The following IL16 variants were observed in gnomAD, a reference collection of about 807,000 sequenced individuals.
The protein encoded by IL16 is interleukin 16, also known as pro-interleukin-16.
In IL16, 67 loss-of-function variants were observed where a neutral mutation model predicts 110.1. The observed-to-expected ratio is 0.61, with a 90% confidence interval of 0.50 to 0.75. The LOEUF (loss-of-function observed/expected upper bound fraction) is 0.75. IL16 is among the 30% of genes least tolerant of loss of function. The pLI, the probability that IL16 is intolerant of heterozygous loss-of-function variation, is 0.00. For missense variants in IL16, 1,545 were observed against 1,655.0 expected, an observed-to-expected ratio of 0.93 and a Z score of 1.15; for synonymous variants, 689 against 662.9, an observed-to-expected ratio of 1.04 and a Z score of -0.61.
rs56259509 is a variant in IL16 at position 81,267,479 on chromosome 15, G to GACACACACACAC, written c.564+1694_564+1705dup. On this transcript the variant is annotated intron_variant, in intron 4 of 18. Coordinates refer to ENST00000683961, the MANE Select transcript of IL16 (RefSeq NM_172217.5). Reference sequence around the variant, plus strand: ...ACACATACGCAGACACACATACACAGACACACACACACACACACACACACA... The same window carrying GACACACACACAC: ...ACACATACGCAGACACACATACACAGACACACACACACACACACACACACACACACACACACA... 9.4e-3 allele frequency among the ~76,000 whole-genome samples: 1,017 copies of GACACACACACAC among 107,698 alleles called. 15 individuals carry two copies. The highest frequency in any genetic ancestry group is 0.051 in the African/African-American group (981 of 19,168). The allele number at this position is 107,698 out of a possible 152,430, so 70.7% of individuals were successfully genotyped here. A position where few individuals can be genotyped will look rare whatever the true frequency, so the allele number is the denominator to read the frequency against.
At chr15:81,235,752 T>C (rs977145819) in intron 2 of IL16, among the ~76,000 whole-genome samples, 1 of 152,150 alleles carries the variant, frequency 6.6e-6, no homozygotes, top group Non-Finnish European at 1.5e-5. Flanking sequence ...ATAATGGCTC[T>C]ATAAATGTTT....
At position 81,275,003 on chromosome 15, in the gene IL16, GGGA is replaced by G. The variant is rs538312672; in HGVS notation, c.790+1804_790+1806del. Among the ~76,000 whole-genome samples, 299 of 152,212 alleles carry G rather than the reference GGGA, an allele frequency of 2.0e-3. 1 individual carries two copies. The highest frequency in any genetic ancestry group is 6.8e-3 in the Middle Eastern group (2 of 294). On this transcript the variant is annotated intron_variant, in intron 6 of 18. Transcript: ENST00000683961. ...AGGACTGCACAGAGGCGGTAACCCT[GGGA>G]GGAGAAGGGAGCAGATGAGAGAAGT...
At chr15:81,269,732 A>T in intron 5 of IL16, 84 bp downstream of exon 5, 1 of 966,922 alleles carries the variant, frequency 1.0e-6, no homozygotes, top group East Asian at 2.4e-5. Flanking sequence ...AAGGATGGGA[A>T]TAGGACTACT....
intron 1 of IL16, among the ~76,000 whole-genome samples, chr15:81,189,568 A>C (rs1895467923): frequency 6.6e-6 from 1 of 152,212 alleles, no homozygotes; most frequent in Admixed American, 6.5e-5. Context: ...TACAGGTCTG[A>C]TCCACTACGA....
chr15:81,247,076 CTTTTTT>C (rs57484982), intron 2 of IL16, among the ~76,000 whole-genome samples: 939 of 92,628 alleles, frequency 0.01, 3 homozygotes, highest in Admixed American at 0.016. Context: ...TTTTCTTTTC[CTTTTTT>C]TTTTTTTTTT....
chr15:81,217,390 C>A (rs1343933374), intron 1 of IL16, among the ~76,000 whole-genome samples: 2 of 151,870 alleles, frequency 1.3e-5, no homozygotes, highest in African/African-American at 4.8e-5. Flanking sequence ...TAAAATAGAC[C>A]AACCAAGGAA....
intron 2 of IL16, among the ~76,000 whole-genome samples, chr15:81,239,222 C>G (rs1897270767): frequency 6.6e-6 from 1 of 152,126 alleles, no homozygotes; most frequent in South Asian, 2.1e-4. Flanking sequence ...TGTGAGAAGA[C>G]TCTTCATCTG....
At chr15:81,296,706 A>G (rs189249343) in intron 12 of IL16, among the ~76,000 whole-genome samples, 2 of 152,312 alleles carry the variant, frequency 1.3e-5, no homozygotes, top group East Asian at 3.9e-4. Flanking sequence ...TGACCTGGAT[A>G]CCAGGTTGCT....
intron 1 of IL16, among the ~76,000 whole-genome samples, chr15:81,214,329 C>T (rs965055315): frequency 6.6e-6 from 1 of 152,192 alleles, no homozygotes; most frequent in Non-Finnish European, 1.5e-5. Context: ...TAAACAAATT[C>T]ATTAAGCATT....
intron 3 of IL16, among the ~76,000 whole-genome samples, chr15:81,264,889 T>C (rs925911887): frequency 1.3e-5 from 2 of 152,232 alleles, no homozygotes; most frequent in Non-Finnish European, 2.9e-5. Flanking sequence ...TTATTAAAAT[T>C]AATCTCTCCT....
Position 81,303,015 on chromosome 15 carries a change from ATGTGTGTGTGTGTGTG to A in IL16, c.3319-520_3319-505del, listed in dbSNP as rs34522610. ...GTCTAGGCTAGGAAGTACCGTAGTA[ATGTGTGTGTGTGTGTG>A]TGTGTGTGTGTGTCACACTTGCACA... On this transcript the variant is annotated intron_variant, in intron 15 of 18. Transcript: ENST00000683961. The surrounding 1 kb of genome is among the most constrained non-coding windows in gnomAD (Gnocchi z 4.1). Among the ~76,000 whole-genome samples the A allele has an allele frequency of 4.4e-4, 66 of 150,146 alleles. 1 individual carries two copies. The highest frequency in any genetic ancestry group is 1.5e-3 in the African/African-American group (60 of 40,682).
rs527765062 is a variant in IL16, at chr15:81,308,788, G to C, written c.3989G>C (p.Gly1330Ala). The C allele has an allele frequency of 1.2e-6, 2 of 1,612,678 alleles. No homozygotes were observed. The highest frequency in any genetic ancestry group is 1.1e-5 in the South Asian group (1 of 90,928). ...SLQSKETTAA[G>A]DS ...CAGTCCAAGGAAACCACAGCTGCTG[G>C]AGACTCCTAGGCAGGACATGCTGAA... The change falls in exon 19 of 19, where the codon GGA (glycine) becomes GCA (alanine). Residue 1330 changes from glycine (G) to alanine (A), a missense_variant. By Grantham distance (60) the Gly-to-Ala change is moderately conservative. Coordinates refer to ENST00000683961, the MANE Select transcript of IL16 (RefSeq NM_172217.5).
intron 1 of IL16, among the ~76,000 whole-genome samples, chr15:81,191,467 T>C (rs1895496137): frequency 1.3e-5 from 2 of 152,188 alleles, no homozygotes; most frequent in African/African-American, 2.4e-5. Flanking sequence ...ATTCACTCAG[T>C]AAATGTTTAT....
At chr15:81,246,907 T>C (rs1251273493) in intron 2 of IL16, among the ~76,000 whole-genome samples, 10 of 152,096 alleles carry the variant, frequency 6.6e-5, no homozygotes, top group Admixed American at 6.5e-4. Context: ...CTTGAGTTGA[T>C]TTTGATACAG....
At chr15:81,275,139 G>A (rs1044302578) in intron 6 of IL16, among the ~76,000 whole-genome samples, 1 of 151,508 alleles carries the variant, frequency 6.6e-6, no homozygotes, top group African/African-American at 2.4e-5. Flanking sequence ...AGAGTAAGAG[G>A]CACTGGAGGA....
Position 81,285,695 on chromosome 15 carries a change from C to G in IL16, c.1200-3C>G. ...TGATGGCTTCTTATTGATGCTTGCA[C>G]AGGTGTGGGGACGAGATTGTGGAAA... is the stretch of plus-strand genomic sequence containing the variant. On this transcript the variant is annotated splice_region_variant and splice_polypyrimidine_tract_variant and intron_variant, in intron 9 of 18. Coordinates refer to ENST00000683961, the MANE Select transcript of IL16 (RefSeq NM_172217.5). 3.1e-6 allele frequency: 5 copies of G among 1,613,778 alleles called. No homozygotes were observed. The highest frequency in any genetic ancestry group is 3.4e-6 in the Non-Finnish European group (4 of 1,179,832).
chr15:81,296,971 C>CCCTGTG lies in IL16; in HGVS notation c.1946_1947insCCTGTG (p.Thr649_Ala650insLeuTer). Reference sequence around the variant, plus strand: ...CCACTGCTGCTACCACAGGAAGACACAGCAGGGAGAAGCCCTAGTGCCTCT... The same window carrying CCCTGTG: ...CCACTGCTGCTACCACAGGAAGACACCCTGTGAGCAGGGAGAAGCCCTAGTGCCTCT... On this transcript the variant is annotated stop_gained and inframe_insertion, in exon 13 of 19. Coordinates refer to ENST00000683961, the MANE Select transcript of IL16 (RefSeq NM_172217.5). LOFTEE classifies it high-confidence loss of function. 1 of 1,613,698 alleles carries CCCTGTG rather than the reference C, an allele frequency of 6.2e-7. No individual in the cohort carries two copies. Among genetic ancestry groups the CCCTGTG allele is most frequent in the African/African-American group, 1.3e-5 (1 of 75,024 alleles).
chr15:81,306,889 A>T (rs1186359529), intron 18 of IL16: 1 of 363,526 alleles, frequency 2.8e-6, no homozygotes, highest in Non-Finnish European at 5.3e-6. Context: ...ACTCAGATCG[A>T]TACTATTTTA....
rs1900385965 is a variant in IL16 at position 81,303,278 on chromosome 15, C to T, written c.3319-271C>T. On this transcript the variant is annotated intron_variant, in intron 15 of 18. Coordinates refer to ENST00000683961, the MANE Select transcript of IL16 (RefSeq NM_172217.5). The surrounding 1 kb of genome is among the most constrained non-coding windows in gnomAD (Gnocchi z 4.1). ...CTGATTTCTGGCTGACTTCATGGCACTCCCCCTGCCCGGCTGTGGACAGGG... is the reference window on the plus strand; with the variant it reads ...CTGATTTCTGGCTGACTTCATGGCATTCCCCCTGCCCGGCTGTGGACAGGG... The T allele has an allele frequency of 5.4e-6, 2 of 367,662 alleles. No homozygotes were observed. Among genetic ancestry groups the T allele is most frequent in the South Asian group, 6.8e-5 (2 of 29,542 alleles). 22.8% of individuals were successfully genotyped at this position (367,662 alleles called of 1,614,324 possible).
Sources: gnomAD v4.1 joint callset for allele counts (sites outside exome capture counted in the v4.1 genomes callset) on GRCh38, gnomAD v4.1.1 for gene constraint, Gnocchi (gnomAD v3.1) non-coding constraint, MANE v1.5 for transcripts, NCBI Gene and HGNC (gene_info 2026-07-23, HGNC 2026-07-21) for gene names.